The following PTPRD variants were observed in gnomAD, a reference collection of about 807,000 sequenced individuals.
The protein encoded by PTPRD is receptor-type tyrosine-protein phosphatase delta.
A neutral mutation model predicts 214.5 loss-of-function variants in PTPRD; 34 were observed. The ratio of observed to expected loss-of-function variants is 0.16; its 90% CI spans 0.12 to 0.21. The LOEUF (loss-of-function observed/expected upper bound fraction) is 0.21. Ranked by LOEUF, PTPRD falls within the 10% of genes least tolerant of loss-of-function variation. The pLI is 1.00. For synonymous variants in PTPRD, 1,128 were observed against 845.7 expected (o/e 1.33, Z -5.79); for missense variants, 2,545 against 2,398.7 (o/e 1.06, Z -1.27).
intron 6 of PTPRD, among the ~76,000 whole-genome samples, chr9:9,740,361 A>ATTT (rs35876773): frequency 6.9e-6 from 1 of 145,594 alleles, no homozygotes; most frequent in African/African-American, 2.5e-5. Context: ...TAAAACTACT[A>ATTT]TTTTTTTTTT....
At chr9:10,595,998 C>T (rs1346483227) in intron 2 of PTPRD, among the ~76,000 whole-genome samples, 2 of 151,790 alleles carry the variant, frequency 1.3e-5, no homozygotes, top group Admixed American at 1.3e-4. Flanking sequence ...ATTATTAAAG[C>T]TATTTTCCTT....
At chr9:9,034,218 G>A (rs1184262195) in intron 10 of PTPRD, among the ~76,000 whole-genome samples, 1 of 152,070 alleles carries the variant, frequency 6.6e-6, no homozygotes, top group Admixed American at 6.6e-5. Flanking sequence ...GTAGAATATA[G>A]GTGAATCCTG....
intron 2 of PTPRD, among the ~76,000 whole-genome samples, chr9:10,593,046 G>A (rs533870660): frequency 8.6e-5 from 13 of 152,016 alleles, no homozygotes; most frequent in South Asian, 2.1e-4. Context: ...GAAGGTCTGC[G>A]GCATCATTCT....
chr9:8,782,810 G>A (rs945658591), intron 11 of PTPRD, among the ~76,000 whole-genome samples: 1 of 151,972 alleles, frequency 6.6e-6, no homozygotes, highest in African/African-American at 2.4e-5. Flanking sequence ...TGGTCAGGCT[G>A]GTCTCGAACT....
chr9:9,086,305 G>A (rs1045609007), intron 10 of PTPRD, among the ~76,000 whole-genome samples: 2 of 152,140 alleles, frequency 1.3e-5, no homozygotes, highest in African/African-American at 4.8e-5. Context: ...GTTTTGATAT[G>A]GAGATGTTTG....
chr9:9,262,724 G>A (rs2099980684), intron 9 of PTPRD, among the ~76,000 whole-genome samples: 1 of 151,568 alleles, frequency 6.6e-6, no homozygotes, highest in Non-Finnish European at 1.5e-5. Flanking sequence ...CCAGAAATTT[G>A]TTTGCTTATT....
At chr9:10,093,546 G>T (rs376146132) in intron 3 of PTPRD, among the ~76,000 whole-genome samples, 5 of 151,300 alleles carry the variant, frequency 3.3e-5, no homozygotes, top group Non-Finnish European at 7.4e-5. Context: ...TGGAGATTTC[G>T]CAAAGAACTT....
intron 11 of PTPRD, among the ~76,000 whole-genome samples, chr9:8,829,017 T>A (rs191670906): frequency 1.3e-5 from 2 of 152,350 alleles, no homozygotes; most frequent in East Asian, 3.9e-4. Context: ...ATCTATCATA[T>A]GCATCCATTT....
chr9:9,242,041 TG>T (rs1295220799), intron 9 of PTPRD, among the ~76,000 whole-genome samples: 13 of 152,172 alleles, frequency 8.5e-5, no homozygotes, highest in African/African-American at 2.6e-4. Context: ...GCAGGCCTGG[TG>T]GTGACAAAAT....
intron 3 of PTPRD, among the ~76,000 whole-genome samples, chr9:10,331,068 T>C (rs570691395): frequency 3.3e-5 from 5 of 151,982 alleles, no homozygotes; most frequent in Admixed American, 2.6e-4. Context: ...TACAGCAATG[T>C]CACTCTCAAC....
intron 8 of PTPRD, among the ~76,000 whole-genome samples, chr9:9,517,967 T>G (rs567278256): frequency 6.6e-6 from 1 of 152,196 alleles, no homozygotes; most frequent in African/African-American, 2.4e-5. Flanking sequence ...ATTATTAATT[T>G]TTGGGTTTCT....
chr9:9,809,943 G>C (rs1373686968), intron 5 of PTPRD, among the ~76,000 whole-genome samples: 1 of 152,054 alleles, frequency 6.6e-6, no homozygotes, highest in Non-Finnish European at 1.5e-5. Flanking sequence ...CAGAGTTGAA[G>C]TACACTTGGC....
At chr9:9,908,916 A>G (rs1228567473) in intron 5 of PTPRD, among the ~76,000 whole-genome samples, 1 of 152,006 alleles carries the variant, frequency 6.6e-6, no homozygotes, top group Non-Finnish European at 1.5e-5. Flanking sequence ...CCAAAATATT[A>G]TACAGAGAGA....
intron 14 of PTPRD, among the ~76,000 whole-genome samples, chr9:8,606,075 C>T (rs890434624): frequency 2.6e-5 from 4 of 151,980 alleles, no homozygotes. Context: ...AAGCACAAAA[C>T]AATGAATGGA....
At chr9:9,247,469 T>G (rs2099973590) in intron 9 of PTPRD, among the ~76,000 whole-genome samples, 1 of 152,124 alleles carries the variant, frequency 6.6e-6, no homozygotes, top group South Asian at 2.1e-4. Context: ...TTTTTCCTGT[T>G]AACCATCTTT....
At chr9:8,785,245 A>G (rs1015807049) in intron 11 of PTPRD, among the ~76,000 whole-genome samples, 4 of 152,242 alleles carry the variant, frequency 2.6e-5, no homozygotes, top group Non-Finnish European at 4.4e-5. Context: ...AACAGGGGAA[A>G]AAAACACTAA....
chr9:9,045,367 A>G (rs978108251), intron 10 of PTPRD, among the ~76,000 whole-genome samples: 1 of 151,994 alleles, frequency 6.6e-6, no homozygotes, highest in Non-Finnish European at 1.5e-5. Context: ...AGTGTTGGCC[A>G]TTACTGAAAG....
At chr9:8,969,341 C>T (rs1354053262) in intron 11 of PTPRD, among the ~76,000 whole-genome samples, 3 of 152,026 alleles carry the variant, frequency 2.0e-5, no homozygotes, top group Admixed American at 1.3e-4. Context: ...AGAACATGCA[C>T]AGACTATGAC....
At chr9:8,969,007 GATTA>G (rs1411782393) in intron 11 of PTPRD, among the ~76,000 whole-genome samples, 2 of 151,926 alleles carry the variant, frequency 1.3e-5, no homozygotes, top group African/African-American at 2.4e-5. Context: ...AAGCAAGTCC[GATTA>G]ATTAAGAAGA....
Sources: gnomAD v4.1 joint callset for allele counts (sites outside exome capture counted in the v4.1 genomes callset) on GRCh38, gnomAD v4.1.1 for gene constraint, MANE v1.5 for transcripts, NCBI Gene and HGNC (gene_info 2026-07-23, HGNC 2026-07-21) for gene names.